Variants in RPS6KC1 observed in about 807,000 individuals in gnomAD.
RPS6KC1 encodes the protein ribosomal protein S6 kinase C1.
RPS6KC1 carries 54 observed loss-of-function variants against 103.8 expected under a neutral mutation model. The observed-to-expected ratio is 0.52, with a 90% CI of 0.42 to 0.65. RPS6KC1 has a LOEUF of 0.65. Among genes scored for constraint, RPS6KC1 ranks in the 30% least tolerant of loss-of-function variants. The pLI, the probability that RPS6KC1 is intolerant of heterozygous loss-of-function variation, is 0.00. For synonymous variants in RPS6KC1, 439 were observed against 438.7 expected, an observed-to-expected ratio of 1.00 and a Z score of -0.01; for missense variants, 1,151 against 1,253.8, an observed-to-expected ratio of 0.92 and a Z score of 1.24.
At chr1:213,330,668 A>C in the RPS6KC1 span, among the ~76,000 whole-genome samples, 1 of 152,170 alleles carries the variant, frequency 6.6e-6, no homozygotes, top group Non-Finnish European at 1.5e-5. Context: ...GCCCCTTCTC[A>C]TTTTACTCAT....
the RPS6KC1 span, among the ~76,000 whole-genome samples, chr1:213,629,679 C>G: frequency 3.3e-5 from 5 of 152,078 alleles, no homozygotes; most frequent in Non-Finnish European, 7.4e-5. Context: ...TTCCTAGCCT[C>G]GACGGTCTTT....
the RPS6KC1 span, among the ~76,000 whole-genome samples, chr1:213,433,332 C>A: frequency 6.6e-6 from 1 of 152,222 alleles, no homozygotes; most frequent in African/African-American, 2.4e-5. Context: ...GGATAATTTT[C>A]TCACATCAAA....
At chr1:213,480,943 T>A in the RPS6KC1 span, among the ~76,000 whole-genome samples, 1 of 152,180 alleles carries the variant, frequency 6.6e-6, no homozygotes, top group South Asian at 2.1e-4. Context: ...TAGAAAGGTC[T>A]GATATTGAAT....
At chr1:213,757,813 T>G in the RPS6KC1 span, among the ~76,000 whole-genome samples, 2 of 152,212 alleles carry the variant, frequency 1.3e-5, no homozygotes, top group African/African-American at 4.8e-5. Context: ...TGTTTCAGGC[T>G]AATGCATCTG....
chr1:213,245,374 C>G (rs2094438126), intron 12 of RPS6KC1, among the ~76,000 whole-genome samples: 2 of 152,070 alleles, frequency 1.3e-5, no homozygotes, highest in Admixed American at 1.3e-4. Context: ...CATGTGATCC[C>G]CTCCCTCTTA....
the RPS6KC1 span, among the ~76,000 whole-genome samples, chr1:213,743,893 A>C: frequency 2.0e-5 from 3 of 152,210 alleles, no homozygotes; most frequent in African/African-American, 4.8e-5. Flanking sequence ...CCTGCAAACT[A>C]TATCAGCTTC....
chr1:213,178,544 A>AAAAC (rs960289358), intron 8 of RPS6KC1, among the ~76,000 whole-genome samples: 10 of 152,042 alleles, frequency 6.6e-5, no homozygotes, highest in African/African-American at 4.8e-5. Context: ...CTGTCTCAAA[A>AAAAC]AAACAAACAA....
the RPS6KC1 span, among the ~76,000 whole-genome samples, chr1:213,588,221 C>T: frequency 2.6e-5 from 4 of 152,030 alleles, no homozygotes; most frequent in African/African-American, 9.7e-5. Flanking sequence ...GGACTACAGG[C>T]CTCTTTTATC....
chr1:213,619,895 G>GA, the RPS6KC1 span, among the ~76,000 whole-genome samples: 1 of 152,344 alleles, frequency 6.6e-6, no homozygotes, highest in Admixed American at 6.5e-5. Context: ...TACATGAATA[G>GA]AAGTAGTAGA....
chr1:213,769,517 CAGAG>C, the RPS6KC1 span, among the ~76,000 whole-genome samples: 7 of 148,582 alleles, frequency 4.7e-5, no homozygotes, highest in Non-Finnish European at 7.4e-5. Flanking sequence ...GAGAGATGGA[CAGAG>C]AGAGAGAGAG....
At chr1:213,191,321 T>C (rs112683873) in intron 8 of RPS6KC1, among the ~76,000 whole-genome samples, 3,153 of 152,302 alleles carry the variant, frequency 0.021, 110 homozygotes, top group African/African-American at 0.071. Context: ...TTTTCTTGCA[T>C]CAGTGTTTTA....
the RPS6KC1 span, among the ~76,000 whole-genome samples, chr1:213,859,442 C>T: frequency 6.6e-6 from 1 of 152,166 alleles, no homozygotes; most frequent in African/African-American, 2.4e-5. Flanking sequence ...CAAGCAACAG[C>T]AAACATTTTC....
chr1:213,296,568 G>A, the RPS6KC1 span, among the ~76,000 whole-genome samples: 1 of 152,206 alleles, frequency 6.6e-6, no homozygotes, highest in Non-Finnish European at 1.5e-5. Flanking sequence ...ATCAGCCAGA[G>A]CATTATTAGC....
the RPS6KC1 span, among the ~76,000 whole-genome samples, chr1:213,833,916 T>C: frequency 2.6e-5 from 4 of 152,254 alleles, no homozygotes; most frequent in Non-Finnish European, 5.9e-5. Flanking sequence ...GAAAGGCTCA[T>C]GCATTCTCTA....
At chr1:213,609,577 C>T in the RPS6KC1 span, among the ~76,000 whole-genome samples, 1 of 152,026 alleles carries the variant, frequency 6.6e-6, no homozygotes, top group African/African-American at 2.4e-5. Context: ...AATGGTTTAA[C>T]AGTGCTTTGA....
chr1:213,809,306 G>A, the RPS6KC1 span, among the ~76,000 whole-genome samples: 4 of 152,074 alleles, frequency 2.6e-5, no homozygotes, highest in Non-Finnish European at 5.9e-5. Flanking sequence ...CATCTTATAT[G>A]GGTGATGATG....
the RPS6KC1 span, among the ~76,000 whole-genome samples, chr1:213,679,572 G>A: frequency 6.6e-6 from 1 of 152,172 alleles, no homozygotes; most frequent in East Asian, 1.9e-4. Context: ...AACCTCTATA[G>A]TCCTCATGTC....
At chr1:213,498,771 GATT>G in the RPS6KC1 span, among the ~76,000 whole-genome samples, 3 of 86,332 alleles carry the variant, frequency 3.5e-5, no homozygotes, top group South Asian at 1.3e-3. Flanking sequence ...TGTTTTCTAA[GATT>G]TTTTTTTTTT....
At chr1:213,389,752 G>A in the RPS6KC1 span, among the ~76,000 whole-genome samples, 3 of 152,082 alleles carry the variant, frequency 2.0e-5, no homozygotes, top group Admixed American at 6.5e-5. Flanking sequence ...CCTCTTTCCC[G>A]GTCCTCTGCC....
Sources: allele counts gnomAD v4.1 joint callset (sites outside exome capture counted in the v4.1 genomes callset), GRCh38; gene constraint gnomAD v4.1.1; transcripts MANE v1.5; gene names NCBI Gene and HGNC (gene_info 2026-07-23, HGNC 2026-07-21).